Variants in SGCG observed in about 807,000 individuals in gnomAD.
The protein encoded by SGCG is sarcoglycan gamma, also known as gamma-sarcoglycan.
SGCG carries 26 observed loss-of-function variants against 29.3 expected under a neutral mutation model. That is an observed-to-expected ratio of 0.89 (90% CI 0.65 to 1.23). SGCG has a LOEUF of 1.23. Among genes scored for constraint, SGCG ranks in the 50% most tolerant of loss-of-function variants. The pLI is 0.00. For synonymous variants in SGCG, 145 were observed against 129.7 expected, an observed-to-expected ratio of 1.12 and a Z score of -0.80; for missense variants, 353 against 356.0, an observed-to-expected ratio of 0.99 and a Z score of 0.07.
At chr13:23,218,318 C>A (rs866364025) in intron 2 of SGCG, among the ~76,000 whole-genome samples, 1 of 152,056 alleles carries the variant, frequency 6.6e-6, no homozygotes, top group East Asian at 1.9e-4. Context: ...TATGTAAGTT[C>A]TTTATAAAAC....
At chr13:23,232,669 C>G (rs1879156251) in intron 2 of SGCG, among the ~76,000 whole-genome samples, 1 of 152,068 alleles carries the variant, frequency 6.6e-6, no homozygotes, top group Non-Finnish European at 1.5e-5. Context: ...GTAGTCCCAG[C>G]TACTCGGGAG....
intron 4 of SGCG, among the ~76,000 whole-genome samples, chr13:23,277,182 A>T (rs931066052): frequency 7.2e-5 from 11 of 152,188 alleles, no homozygotes; most frequent in Non-Finnish European, 1.6e-4. Flanking sequence ...GGCCTCCTAG[A>T]ATTGTAAGAT....
chr13:23,212,754 A>G (rs892865352), intron 2 of SGCG, among the ~76,000 whole-genome samples: 2 of 152,148 alleles, frequency 1.3e-5, no homozygotes, highest in African/African-American at 4.8e-5. Context: ...CTGCTTCCCA[A>G]GAGAGGCTGG....
intron 4 of SGCG, among the ~76,000 whole-genome samples, chr13:23,277,900 G>A (rs895987675): frequency 3.4e-4 from 52 of 151,904 alleles, no homozygotes; most frequent in African/African-American, 8.2e-4. Flanking sequence ...GGGTTTCACC[G>A]TGTTAGCCAG....
At chr13:23,217,715 G>A (rs951207055) in intron 2 of SGCG, among the ~76,000 whole-genome samples, 3 of 151,402 alleles carry the variant, frequency 2.0e-5, no homozygotes, top group Non-Finnish European at 2.9e-5. Context: ...CCATGTAATA[G>A]GTACTCAACA....
At position 23,314,060 on chromosome 13, in the gene SGCG, T is replaced by C. The variant is rs968382610; in HGVS notation, c.579-6577T>C. Among the ~76,000 whole-genome samples the C allele has an allele frequency of 6.6e-5, 10 of 152,056 alleles. No homozygotes were observed. In the South Asian group the frequency reaches 1.2e-3, roughly 19 times the overall value. On this transcript the variant is annotated intron_variant, in intron 6 of 7. Transcript: ENST00000218867. ...CTTGCTCCTCAGCTTGAAGACAGCC[T>C]ATTGTGGGACCTTGTGATCATGTAA... is the stretch of plus-strand genomic sequence containing the variant.
At chr13:23,234,498 GA>G in intron 2 of SGCG, 112 bp from the exon 3 acceptor site, 1 of 739,008 alleles carries the variant, frequency 1.4e-6, no homozygotes. Context: ...GAGAAATGCA[GA>G]AAAGGTGGTA....
intron 6 of SGCG, among the ~76,000 whole-genome samples, chr13:23,320,265 T>C (rs1471189886): frequency 6.6e-6 from 1 of 152,226 alleles, no homozygotes; most frequent in Admixed American, 6.5e-5. Flanking sequence ...GCCACTGCAC[T>C]CTAGCCTGGG....
rs145339454 is a variant in SGCG at position 23,324,708 on chromosome 13, C to T, written c.*167C>T. 57 of 661,458 alleles carry T rather than the reference C, an allele frequency of 8.6e-5. No individual in the cohort carries two copies. The East Asian group carries it at 1.6e-3, about 18-fold the overall frequency. 41.0% of individuals were successfully genotyped at this position (661,458 alleles called of 1,614,324 possible). ...AGTGAAAGTGTTTGGACAAAAACTA[C>T]ATGATCTCAAAATGCACGTGGATGT... On this transcript the variant is annotated 3_prime_UTR_variant, in exon 8 of 8. Transcript: ENST00000218867.
chr13:23,244,534 C>T (rs918851758), intron 3 of SGCG: 2 of 152,062 alleles, frequency 1.3e-5, no homozygotes, highest in African/African-American at 2.4e-5. Flanking sequence ...AAAGCAAAAG[C>T]ACTGGTTAAA....
At chr13:23,190,038 T>C (rs1877176253) in intron 1 of SGCG, among the ~76,000 whole-genome samples, 1 of 151,512 alleles carries the variant, frequency 6.6e-6, no homozygotes, top group African/African-American at 2.4e-5. Context: ...GCTATCAAAC[T>C]ATTTTAAAAG....
chr13:23,276,434 T>TC (rs1293103423), intron 4 of SGCG, among the ~76,000 whole-genome samples: 5 of 133,224 alleles, frequency 3.8e-5, no homozygotes, highest in Non-Finnish European at 8.3e-5. Flanking sequence ...TAGTTTTCTT[T>TC]TTTTTTTTTT....
At chr13:23,254,669 T>C (rs1880108716) in intron 4 of SGCG, among the ~76,000 whole-genome samples, 1 of 152,266 alleles carries the variant, frequency 6.6e-6, no homozygotes, top group East Asian at 1.9e-4. Context: ...AGTGCTAATA[T>C]CCAAGACAAT....
At chr13:23,171,170 CTT>C in the SGCG span, among the ~76,000 whole-genome samples, 8 of 152,092 alleles carry the variant, frequency 5.3e-5, no homozygotes, top group Non-Finnish European at 1.2e-4. Flanking sequence ...AGTCATGTAT[CTT>C]ATTTCTTTTT....
In SGCG at chr13:23,234,605, T is replaced by A. The variant is rs1165407566; in HGVS notation, c.196-6T>A. On this transcript the variant is annotated splice_polypyrimidine_tract_variant and splice_region_variant and intron_variant, in intron 2 of 7. Transcript: ENST00000218867. Reference sequence around the variant, plus strand: ...ATACGCATTGTCTCTTTTTTTTTTTTAACAGGCAGGAATGGGCCACTTGTG... The same window carrying A: ...ATACGCATTGTCTCTTTTTTTTTTTAAACAGGCAGGAATGGGCCACTTGTG... The A allele has an allele frequency of 7.6e-6, 12 of 1,581,454 alleles. No individual in the cohort carries two copies. Among genetic ancestry groups the A allele is most frequent in the African/African-American group, 6.8e-5 (5 of 73,704 alleles).
chr13:23,233,794 C>T (rs1314323848), intron 2 of SGCG, among the ~76,000 whole-genome samples: 1 of 152,154 alleles, frequency 6.6e-6, no homozygotes, highest in East Asian at 1.9e-4. Context: ...GGGCCTAAGA[C>T]TGAACTTGAG....
At chr13:23,223,381 G>T (rs1251743810) in intron 2 of SGCG, among the ~76,000 whole-genome samples, 2 of 151,192 alleles carry the variant, frequency 1.3e-5, no homozygotes, top group African/African-American at 4.9e-5. Context: ...GACTAATAAT[G>T]ACTAATAAAT....
chr13:23,323,875 A>G (rs1485749862), intron 7 of SGCG, among the ~76,000 whole-genome samples: 1 of 152,220 alleles, frequency 6.6e-6, no homozygotes, highest in Non-Finnish European at 1.5e-5. Context: ...AATTATTAAG[A>G]TGAATCTATT....
At position 23,204,007 on chromosome 13, in the gene SGCG, C is replaced by T. The variant is rs945428350; in HGVS notation, c.195+118C>T. On this transcript the variant is annotated intron_variant, in intron 2 of 7. Coordinates refer to ENST00000218867, the MANE Select transcript of SGCG (RefSeq NM_000231.3). ...TAACATTCATTTCTTTGCTGTCTGG[C>T]TCTGAATTTCAGGAGCAAAATATGT... 5 of 814,248 alleles carry T rather than the reference C, an allele frequency of 6.1e-6. No homozygotes were observed. The East Asian group carries it at 1.2e-4, about 20-fold the overall frequency. The allele number at this position is 814,248 out of a possible 1,614,324, so 50.4% of individuals were successfully genotyped here.
Sources: gnomAD v4.1 joint callset for allele counts (sites outside exome capture counted in the v4.1 genomes callset) on GRCh38, gnomAD v4.1.1 for gene constraint, MANE v1.5 for transcripts, NCBI Gene and HGNC (gene_info 2026-07-23, HGNC 2026-07-21) for gene names.